CHCHD6: variants seen among roughly 807,000 people sequenced by gnomAD.
CHCHD6 encodes the protein MICOS complex subunit MIC25.
In CHCHD6, 28 loss-of-function variants were observed where a neutral mutation model predicts 32.3. The observed-to-expected ratio is 0.87, with a 90% CI of 0.64 to 1.19. The LOEUF is 1.19. CHCHD6 is among the 50% of genes most tolerant of loss of function. CHCHD6 has a pLI of 0.00. For missense variants in CHCHD6, 333 were observed against 307.0 expected, an observed-to-expected ratio of 1.08 and a Z score of -0.63; for synonymous variants, 122 against 117.5, an observed-to-expected ratio of 1.04 and a Z score of -0.25.
chr3:126,790,267 C>T (rs1938458257), intron 4 of CHCHD6, among the ~76,000 whole-genome samples: 1 of 150,086 alleles, frequency 6.7e-6, no homozygotes, highest in Non-Finnish European at 1.5e-5. Context: ...TTTTTTCATT[C>T]ATTTCACTTT....
At chr3:126,951,553 C>T (rs1475568704) in intron 6 of CHCHD6, among the ~76,000 whole-genome samples, 1 of 152,126 alleles carries the variant, frequency 6.6e-6, no homozygotes, top group East Asian at 1.9e-4. Context: ...GATAGTGGAC[C>T]AAGACCAGAG....
chr3:126,725,037 A>G (rs1935470390), intron 1 of CHCHD6, among the ~76,000 whole-genome samples: 1 of 152,178 alleles, frequency 6.6e-6, no homozygotes, highest in African/African-American at 2.4e-5. Context: ...TTAGACTCCT[A>G]TTAATATTGA....
intron 5 of CHCHD6, among the ~76,000 whole-genome samples, chr3:126,900,979 A>G (rs2077917902): frequency 1.3e-5 from 2 of 152,050 alleles, no homozygotes; most frequent in Non-Finnish European, 2.9e-5. Flanking sequence ...TAAGCCATTC[A>G]TGGGGGATCC....
At chr3:126,889,917 G>A (rs2077732825) in intron 5 of CHCHD6, among the ~76,000 whole-genome samples, 1 of 152,244 alleles carries the variant, frequency 6.6e-6, no homozygotes, top group South Asian at 2.1e-4. Context: ...TTTGTGGTTT[G>A]TTGGTACCCT....
chr3:126,816,520 G>C (rs1428490621), intron 4 of CHCHD6, among the ~76,000 whole-genome samples: 1 of 152,106 alleles, frequency 6.6e-6, no homozygotes, highest in Non-Finnish European at 1.5e-5. Flanking sequence ...GGTCTGGCTT[G>C]CAGAGGCTGT....
At chr3:126,738,694 C>G (rs896387692) in intron 4 of CHCHD6, among the ~76,000 whole-genome samples, 2 of 152,138 alleles carry the variant, frequency 1.3e-5, no homozygotes, top group Non-Finnish European at 2.9e-5. Flanking sequence ...CCTCGTGATC[C>G]CATTGCAGTG....
chr3:126,830,064 C>T, intron 4 of CHCHD6, among the ~76,000 whole-genome samples: 1 of 152,142 alleles, frequency 6.6e-6, no homozygotes, highest in East Asian at 1.9e-4. Flanking sequence ...CACCACTGCA[C>T]TCCAGCTTGG....
intron 5 of CHCHD6, among the ~76,000 whole-genome samples, chr3:126,859,986 AAGG>A (rs1429374734): frequency 1.3e-5 from 2 of 151,876 alleles, no homozygotes; most frequent in African/African-American, 4.8e-5. Flanking sequence ...AGCACTGGAG[AAGG>A]AGGAGGTCTC....
chr3:126,925,984 G>A (rs889282163), intron 6 of CHCHD6, among the ~76,000 whole-genome samples: 8 of 152,206 alleles, frequency 5.3e-5, no homozygotes, highest in African/African-American at 1.7e-4. Flanking sequence ...AACAATGGAC[G>A]AGACCATCCT....
chr3:126,864,752 A>ACTCCTCCTCCACCATCAC (rs375710329), intron 5 of CHCHD6, among the ~76,000 whole-genome samples: 11 of 26,016 alleles, frequency 4.2e-4, no homozygotes, highest in African/African-American at 1.8e-3. Context: ...ACCATCATCT[A>ACTCCTCCTCCACCATCAC]CTCCTCCTCC....
intron 6 of CHCHD6, among the ~76,000 whole-genome samples, chr3:126,919,348 C>T (rs1469086578): frequency 2.7e-5 from 4 of 145,716 alleles, no homozygotes; most frequent in East Asian, 2.0e-4. Context: ...CAAGGTCTCA[C>T]TGTCACCCAG....
intron 4 of CHCHD6, among the ~76,000 whole-genome samples, chr3:126,847,425 G>A (rs763858992): frequency 1.1e-4 from 16 of 152,288 alleles, no homozygotes; most frequent in African/African-American, 3.1e-4. Context: ...GGTAGTGGAC[G>A]CAGCTCATAA....
chr3:126,791,319 G>A (rs537716030), intron 4 of CHCHD6, among the ~76,000 whole-genome samples: 38 of 152,228 alleles, frequency 2.5e-4, no homozygotes, highest in Middle Eastern at 3.4e-3. Flanking sequence ...CTCAGACTCC[G>A]TGCTGGGAGA....
chr3:126,941,341 C>T (rs1484057821), intron 6 of CHCHD6, among the ~76,000 whole-genome samples: 1 of 152,180 alleles, frequency 6.6e-6, no homozygotes, highest in South Asian at 2.1e-4. Flanking sequence ...GAGTCTATTT[C>T]TAGACTCTTT....
At chr3:126,953,175 C>T in intron 6 of CHCHD6, 1 of 980,420 alleles carries the variant, frequency 1.0e-6, no homozygotes, top group Non-Finnish European at 1.2e-6. Flanking sequence ...AAGCCAGCGC[C>T]TTGCCCCAGG....
chr3:126,839,390 G>A (rs2107545968), intron 4 of CHCHD6, among the ~76,000 whole-genome samples: 1 of 152,244 alleles, frequency 6.6e-6, no homozygotes, highest in African/African-American at 2.4e-5. Context: ...TTGGCATCTG[G>A]CAATAATTTG....
At chr3:126,769,469 T>C (rs957430574) in intron 4 of CHCHD6, among the ~76,000 whole-genome samples, 4 of 152,172 alleles carry the variant, frequency 2.6e-5, no homozygotes, top group Non-Finnish European at 5.9e-5. Context: ...GCTTTGTTCT[T>C]TTTGCTTAGG....
intron 6 of CHCHD6, among the ~76,000 whole-genome samples, chr3:126,928,899 C>G (rs2078362245): frequency 6.6e-6 from 1 of 152,170 alleles, no homozygotes; most frequent in Admixed American, 6.5e-5. Flanking sequence ...TGTGGTCACC[C>G]TGGGAACTCT....
chr3:126,946,509 C>T (rs1460191645), intron 6 of CHCHD6, among the ~76,000 whole-genome samples: 1 of 152,184 alleles, frequency 6.6e-6, no homozygotes, highest in Non-Finnish European at 1.5e-5. Context: ...CCCAGGCTCT[C>T]TCGCAAGCCT....
Sources: gnomAD v4.1 joint callset for allele counts (sites outside exome capture counted in the v4.1 genomes callset) on GRCh38, gnomAD v4.1.1 for gene constraint, MANE v1.5 for transcripts, NCBI Gene and HGNC (gene_info 2026-07-23, HGNC 2026-07-21) for gene names.